Variants in DRC8 observed in about 807,000 individuals in gnomAD.
DRC8 encodes dynein regulatory complex subunit 8, also known as dynein regulatory complex protein 8.
At chr1:245,112,966 T>C in the DRC8 span, among the ~76,000 whole-genome samples, 1,921 of 152,072 alleles carry the variant, frequency 0.013, 47 homozygotes, top group African/African-American at 0.044. Context: ...GTTGGCCAGG[T>C]TGGTCTCGAA....
At chr1:245,047,762 A>G in the DRC8 span, among the ~76,000 whole-genome samples, 1 of 152,310 alleles carries the variant, frequency 6.6e-6, no homozygotes, top group Admixed American at 6.5e-5. Context: ...ACTTGAGGTC[A>G]GGAGTTTGAG....
At chr1:244,979,577 A>T in the DRC8 span, among the ~76,000 whole-genome samples, 1 of 151,646 alleles carries the variant, frequency 6.6e-6, no homozygotes, top group African/African-American at 2.4e-5. Flanking sequence ...AAGTACTAGG[A>T]TTACAGGTGT....
the DRC8 span, among the ~76,000 whole-genome samples, chr1:244,992,694 T>C: frequency 1.3e-5 from 2 of 152,120 alleles, no homozygotes; most frequent in Non-Finnish European, 2.9e-5. Context: ...GAGCCGAGAT[T>C]GTGCCACTGC....
At chr1:245,047,174 G>A in the DRC8 span, among the ~76,000 whole-genome samples, 4 of 152,282 alleles carry the variant, frequency 2.6e-5, no homozygotes, top group East Asian at 5.8e-4. Flanking sequence ...CTCCCCTACC[G>A]TTGAAAACCC....
chr1:245,083,588 A>G, the DRC8 span: 4 of 1,594,232 alleles, frequency 2.5e-6, no homozygotes, highest in South Asian at 4.6e-5. Flanking sequence ...TCACCAAATG[A>G]AAAATATAAT....
At chr1:245,036,637 A>G in the DRC8 span, among the ~76,000 whole-genome samples, 1 of 152,254 alleles carries the variant, frequency 6.6e-6, no homozygotes, top group Non-Finnish European at 1.5e-5. Context: ...ATGTATTTAT[A>G]AAATAGAATA....
the DRC8 span, among the ~76,000 whole-genome samples, chr1:244,985,403 G>C: frequency 6.6e-6 from 1 of 152,230 alleles, no homozygotes; most frequent in Non-Finnish European, 1.5e-5. Flanking sequence ...CCTGTCCCAT[G>C]TGGTGGTAAA....
chr1:245,005,195 T>C, the DRC8 span, among the ~76,000 whole-genome samples: 68 of 152,298 alleles, frequency 4.5e-4, no homozygotes, highest in Middle Eastern at 0.01. Context: ...GATTTTGCAT[T>C]TATATTTATA....
the DRC8 span, among the ~76,000 whole-genome samples, chr1:245,021,083 C>T: frequency 9.1e-4 from 139 of 152,174 alleles, 1 homozygote; most frequent in Middle Eastern, 0.01. Context: ...TGCCATTCTT[C>T]TAAATATACT....
the DRC8 span, among the ~76,000 whole-genome samples, chr1:245,006,662 A>G: frequency 6.6e-6 from 1 of 152,142 alleles, no homozygotes; most frequent in South Asian, 2.1e-4. Flanking sequence ...GGCCGGGTGC[A>G]CTGGCTCACG....
At chr1:245,012,049 A>G in the DRC8 span, among the ~76,000 whole-genome samples, 224 of 152,328 alleles carry the variant, frequency 1.5e-3, no homozygotes, top group African/African-American at 5.3e-3. Flanking sequence ...TAAACAGAAC[A>G]CAGTTTAGAA....
chr1:245,073,531 G>T, the DRC8 span, among the ~76,000 whole-genome samples: 1 of 152,034 alleles, frequency 6.6e-6, no homozygotes, highest in Non-Finnish European at 1.5e-5. Context: ...GACGGGGCGT[G>T]GCATATGGGA....
the DRC8 span, among the ~76,000 whole-genome samples, chr1:244,987,397 G>A: frequency 6.6e-6 from 1 of 151,868 alleles, no homozygotes. Context: ...TAGACATGGG[G>A]TTTCACCATG....
the DRC8 span, among the ~76,000 whole-genome samples, chr1:244,994,432 T>C: frequency 2.6e-5 from 4 of 152,116 alleles, no homozygotes; most frequent in Non-Finnish European, 4.4e-5. Context: ...TAAACTTCTT[T>C]TTTTATTTTT....
the DRC8 span, among the ~76,000 whole-genome samples, chr1:245,005,712 T>C: frequency 0.83 from 125,577 of 152,214 alleles, 51,923 homozygotes; most frequent in East Asian, 1. Flanking sequence ...GTATGGAAAG[T>C]GAGACAAATA....
the DRC8 span, among the ~76,000 whole-genome samples, chr1:245,029,110 C>T: frequency 6.6e-6 from 1 of 152,152 alleles, no homozygotes; most frequent in Non-Finnish European, 1.5e-5. Flanking sequence ...TGGGGTCGGT[C>T]CTAGATATCC....
the DRC8 span, among the ~76,000 whole-genome samples, chr1:244,978,218 G>A: frequency 6.6e-6 from 1 of 152,146 alleles, no homozygotes; most frequent in African/African-American, 2.4e-5. Context: ...TCTAGGCCGG[G>A]CGCAGTGGCT....
chr1:245,023,571 G>A, the DRC8 span, among the ~76,000 whole-genome samples: 1 of 152,254 alleles, frequency 6.6e-6, no homozygotes, highest in Admixed American at 6.5e-5. Flanking sequence ...GGGGGGTGTT[G>A]TTGTTATTGT....
the DRC8 span, chr1:244,969,988 A>T: frequency 1.9e-6 from 1 of 531,632 alleles, no homozygotes; most frequent in South Asian, 2.6e-5. Flanking sequence ...ATCTGCAGTT[A>T]ACAACAAAAA....
Sources: gnomAD v4.1 joint callset for allele counts (sites outside exome capture counted in the v4.1 genomes callset) on GRCh38, gnomAD v4.1.1 for gene constraint, MANE v1.5 for transcripts, NCBI Gene and HGNC (gene_info 2026-07-23, HGNC 2026-07-21) for gene names.